The following ACTR3C variants were observed in gnomAD, a reference collection of about 807,000 sequenced individuals.
The protein encoded by ACTR3C is actin related protein 3C, also known as actin-related protein 3C.
ACTR3C carries 18 observed loss-of-function variants against 26.3 expected under a neutral mutation model. That is an observed-to-expected ratio of 0.68 (90% confidence interval 0.47 to 1.01). The LOEUF (loss-of-function observed/expected upper bound fraction) is 1.01, where lower values mean the gene tolerates loss of function less well. ACTR3C is among the 50% of genes least tolerant of loss of function. The pLI is 0.00. For missense variants in ACTR3C, 184 were observed against 250.7 expected, an observed-to-expected ratio of 0.73 and a Z score of 1.80; for synonymous variants, 55 against 94.5, an observed-to-expected ratio of 0.58 and a Z score of 2.42.
At chr7:150,013,236 A>G in the ACTR3C span, among the ~76,000 whole-genome samples, 3 of 143,230 alleles carry the variant, frequency 2.1e-5, no homozygotes, top group Middle Eastern at 3.4e-3. Flanking sequence ...TTCTAGCTGA[A>G]TGACAAATTC....
At chr7:150,140,899 T>C in the ACTR3C span, among the ~76,000 whole-genome samples, 1 of 152,208 alleles carries the variant, frequency 6.6e-6, no homozygotes, top group Non-Finnish European at 1.5e-5. Flanking sequence ...TTGAAGGAAA[T>C]TAAAAGTGCT....
chr7:150,029,421 AC>A, the ACTR3C span, among the ~76,000 whole-genome samples: 5,335 of 59,372 alleles, frequency 0.09, 275 homozygotes, highest in African/African-American at 0.17. Flanking sequence ...AAAAAAACAA[AC>A]AAAAAAAAAC....
chr7:149,883,435 G>T, the ACTR3C span, among the ~76,000 whole-genome samples: 1 of 152,200 alleles, frequency 6.6e-6, no homozygotes, highest in Non-Finnish European at 1.5e-5. Context: ...CTAAAAATGG[G>T]CCGTGACTGA....
At chr7:150,262,534 T>A (rs1342430631) in intron 6 of ACTR3C, among the ~76,000 whole-genome samples, 2 of 152,226 alleles carry the variant, frequency 1.3e-5, no homozygotes, top group Non-Finnish European at 2.9e-5. Flanking sequence ...AGATACCCAT[T>A]TTCCTTTCTC....
the ACTR3C span, among the ~76,000 whole-genome samples, chr7:150,087,201 A>AG: frequency 4.5e-3 from 626 of 140,406 alleles, 2 homozygotes; most frequent in African/African-American, 0.012. Context: ...AAAAAAAAAA[A>AG]AAAGAAACTT....
the ACTR3C span, among the ~76,000 whole-genome samples, chr7:149,926,199 G>A: frequency 6.6e-6 from 1 of 152,164 alleles, no homozygotes; most frequent in South Asian, 2.1e-4. Flanking sequence ...AACAAACTTT[G>A]CATGGTAAAA....
At chr7:150,203,751 G>A in the ACTR3C span, among the ~76,000 whole-genome samples, 2 of 152,066 alleles carry the variant, frequency 1.3e-5, no homozygotes, top group Non-Finnish European at 2.9e-5. Context: ...ATTTTTAGTA[G>A]AGACGGGGTT....
the ACTR3C span, among the ~76,000 whole-genome samples, chr7:150,065,935 A>T: frequency 6.6e-6 from 1 of 151,676 alleles, no homozygotes; most frequent in South Asian, 2.1e-4. Flanking sequence ...ATTGAAATGA[A>T]CCTCACATAC....
chr7:150,296,613 C>A (rs556882755), intron 1 of ACTR3C, among the ~76,000 whole-genome samples: 2 of 141,752 alleles, frequency 1.4e-5, no homozygotes, highest in South Asian at 2.4e-4. Flanking sequence ...AATAAAAAGT[C>A]TCTGGACCTT....
the ACTR3C span, among the ~76,000 whole-genome samples, chr7:150,170,167 C>T: frequency 6.7e-6 from 1 of 149,932 alleles, no homozygotes; most frequent in African/African-American, 2.5e-5. Flanking sequence ...CGGCAGATCC[C>T]AGGCCCTTGG....
the ACTR3C span, among the ~76,000 whole-genome samples, chr7:149,981,480 C>T: frequency 6.7e-6 from 1 of 149,850 alleles, no homozygotes; most frequent in Non-Finnish European, 1.5e-5. Flanking sequence ...AGGAGGAGTC[C>T]TTTGACAAAA....
the ACTR3C span, among the ~76,000 whole-genome samples, chr7:150,193,529 T>G: frequency 1.3e-5 from 2 of 151,794 alleles, no homozygotes; most frequent in African/African-American, 4.8e-5. Flanking sequence ...TTTAAGATCT[T>G]TCTTCTTTTC....
chr7:150,096,440 C>G, the ACTR3C span, among the ~76,000 whole-genome samples: 1 of 151,314 alleles, frequency 6.6e-6, no homozygotes, highest in African/African-American at 2.5e-5. Flanking sequence ...GATTTACTAA[C>G]TGATGACAGA....
intron 6 of ACTR3C, among the ~76,000 whole-genome samples, chr7:150,263,019 A>C (rs1263216837): frequency 1.3e-5 from 2 of 152,236 alleles, no homozygotes; most frequent in East Asian, 3.8e-4. Context: ...TGGTACTTGA[A>C]GTAAGATGAG....
At chr7:150,219,074 C>A in the ACTR3C span, among the ~76,000 whole-genome samples, 1 of 151,502 alleles carries the variant, frequency 6.6e-6, no homozygotes, top group African/African-American at 2.4e-5. Context: ...AGCATTCAAC[C>A]TTAAATCCTC....
chr7:150,286,678 T>C, intron 4 of ACTR3C, 138 bp from the exon 5 acceptor site: 1 of 1,120,646 alleles, frequency 8.9e-7, no homozygotes. Flanking sequence ...AGTGTGGATA[T>C]GCATCAAGCC....
At chr7:150,204,360 A>T in the ACTR3C span, among the ~76,000 whole-genome samples, 24 of 147,028 alleles carry the variant, frequency 1.6e-4, no homozygotes, top group Non-Finnish European at 3.0e-4. Flanking sequence ...ACATGGGGGA[A>T]TCCCAAGAGC....
the ACTR3C span, among the ~76,000 whole-genome samples, chr7:150,181,485 T>A: frequency 0.014 from 2,174 of 150,736 alleles, 225 homozygotes; most frequent in African/African-American, 0.05. Context: ...GGTACTCGGG[T>A]GGCTGAAGTG....
At chr7:150,080,525 GTA>G in the ACTR3C span, among the ~76,000 whole-genome samples, 198 of 134,618 alleles carry the variant, frequency 1.5e-3, no homozygotes, top group East Asian at 4.9e-3. Context: ...GTTTGTGTGT[GTA>G]TGTGTGTGTG....
Sources: allele counts gnomAD v4.1 joint callset (sites outside exome capture counted in the v4.1 genomes callset), GRCh38; gene constraint gnomAD v4.1.1; transcripts MANE v1.5; gene names NCBI Gene and HGNC (gene_info 2026-07-23, HGNC 2026-07-21).